The following KANK1 variants were observed in gnomAD, a reference collection of about 807,000 sequenced individuals.
KANK1 encodes KN motif and ankyrin repeat domain-containing protein 1.
Under a neutral mutation model 106.2 loss-of-function variants are expected in KANK1, and 109 were observed. That is an observed-to-expected ratio of 1.03 (90% confidence interval 0.88 to 1.20). The LOEUF (loss-of-function observed/expected upper bound fraction) is 1.20, where lower values mean the gene tolerates loss of function less well. Among genes scored for constraint, KANK1 ranks in the 50% most tolerant of loss-of-function variants. The probability of loss-of-function intolerance (pLI) is 0.00; values close to 1 mark genes in which losing one functional copy is unlikely to be tolerated. For synonymous variants in KANK1, 873 were observed against 652.2 expected (o/e 1.34, Z -5.16); for missense variants, 2,399 against 1,710.7 (o/e 1.40, Z -7.10).
chr9:651,735 T>A (rs1163411781), intron 1 of KANK1, among the ~76,000 whole-genome samples: 2 of 152,184 alleles, frequency 1.3e-5, no homozygotes, highest in Non-Finnish European at 2.9e-5. Context: ...CTAAGTGAGT[T>A]AGGGATTTTC....
At chr9:736,954 T>C (rs1186941573) in intron 7 of KANK1, among the ~76,000 whole-genome samples, 2 of 152,250 alleles carry the variant, frequency 1.3e-5, no homozygotes, top group African/African-American at 2.4e-5. Context: ...GGAAGGATTC[T>C]GTTTTCCTGC....
At chr9:533,529 T>A (rs1251030583) in intron 1 of KANK1, among the ~76,000 whole-genome samples, 1 of 152,228 alleles carries the variant, frequency 6.6e-6, no homozygotes, top group African/African-American at 2.4e-5. Context: ...TATTTTACCC[T>A]CCTCCAAAAC....
chr9:649,100 A>G (rs993718736), intron 1 of KANK1, among the ~76,000 whole-genome samples: 18 of 152,150 alleles, frequency 1.2e-4, no homozygotes, highest in Admixed American at 7.9e-4. Flanking sequence ...TATCTCGTGA[A>G]TAAGATAATA....
At chr9:642,565 TCAGCTA>T (rs1279849584) in intron 1 of KANK1, among the ~76,000 whole-genome samples, 1 of 150,920 alleles carries the variant, frequency 6.6e-6, no homozygotes, top group East Asian at 1.9e-4. Flanking sequence ...TTGGACACAC[TCAGCTA>T]CTAGAACAGA....
chr9:643,939 T>C (rs1487213903), intron 1 of KANK1, among the ~76,000 whole-genome samples: 2 of 150,900 alleles, frequency 1.3e-5, no homozygotes, highest in East Asian at 3.9e-4. Flanking sequence ...CTGACTTCAG[T>C]TGAGGCACCC....
At chr9:546,673 C>A (rs1262113345) in intron 1 of KANK1, among the ~76,000 whole-genome samples, 1 of 151,888 alleles carries the variant, frequency 6.6e-6, no homozygotes, top group East Asian at 1.9e-4. Context: ...ACCCCCACTC[C>A]CCCAAGCAGT....
At chr9:606,180 CA>C (rs1829090002) in intron 1 of KANK1, among the ~76,000 whole-genome samples, 1 of 144,218 alleles carries the variant, frequency 6.9e-6, no homozygotes, top group Non-Finnish European at 1.5e-5. Context: ...CACACACACA[CA>C]CCACTCACAC....
At chr9:591,730 C>T (rs774958357) in intron 1 of KANK1, among the ~76,000 whole-genome samples, 1 of 151,810 alleles carries the variant, frequency 6.6e-6, no homozygotes. Flanking sequence ...GATCTTGGCT[C>T]ACTCTGCAAC....
chr9:482,200 C>T (rs1049368556), intron 3 of KANK1, among the ~76,000 whole-genome samples: 2 of 152,208 alleles, frequency 1.3e-5, no homozygotes, highest in African/African-American at 2.4e-5. Flanking sequence ...GACTTGTCAA[C>T]ACAGTCATTG....
chr9:591,015 CA>C (rs955474708), intron 1 of KANK1, among the ~76,000 whole-genome samples: 1 of 151,604 alleles, frequency 6.6e-6, no homozygotes, highest in African/African-American at 2.4e-5. Flanking sequence ...AACAAACAAA[CA>C]AAAAAACCTT....
intron 1 of KANK1, among the ~76,000 whole-genome samples, chr9:630,064 A>G (rs1024358233): frequency 2.6e-5 from 4 of 151,974 alleles, no homozygotes; most frequent in Admixed American, 6.5e-5. Flanking sequence ...CCTGGCCAAC[A>G]TGGCAAAACG....
intron 1 of KANK1, among the ~76,000 whole-genome samples, chr9:616,442 T>C (rs1017343012): frequency 1.3e-5 from 2 of 152,202 alleles, no homozygotes; most frequent in African/African-American, 4.8e-5. Flanking sequence ...AACCTCTATT[T>C]TGTCACTTCT....
At chr9:541,746 A>G (rs887739528) in intron 1 of KANK1, among the ~76,000 whole-genome samples, 3 of 152,242 alleles carry the variant, frequency 2.0e-5, no homozygotes, top group Non-Finnish European at 4.4e-5. Flanking sequence ...TATATAAAAT[A>G]TACAAGGAAC....
chr9:529,500 C>T (rs1161850109), intron 1 of KANK1, among the ~76,000 whole-genome samples: 1 of 16,322 alleles, frequency 6.1e-5, no homozygotes, highest in East Asian at 2.0e-3. Context: ...CGCCCGGCCT[C>T]ATACATATTT....
In KANK1 at chr9:661,322, T is replaced by C. The variant is rs906714983; in HGVS notation, c.-83-15568T>C. ...CCAGTGTGTGATGTTCACCGCCCTG[T>C]GTCCAAGTGTGCTCATTGTTCAGTT... On this transcript the variant is annotated intron_variant, in intron 1 of 11. Coordinates refer to ENST00000382297, the MANE Select transcript of KANK1 (RefSeq NM_015158.5). Among the ~76,000 whole-genome samples the C allele has an allele frequency of 2.0e-5, 3 of 150,530 alleles. No homozygotes were observed. In the Admixed American group the frequency reaches 2.0e-4, roughly 10 times the overall value.
chr9:677,132 T>G, intron 2 of KANK1, 123 bp downstream of exon 2: 1 of 853,962 alleles, frequency 1.2e-6, no homozygotes, highest in South Asian at 1.8e-5. Context: ...TCAAAGCAAT[T>G]TTCTGTCCAT....
intron 1 of KANK1, among the ~76,000 whole-genome samples, chr9:642,197 T>C (rs1181073424): frequency 7.0e-6 from 1 of 143,346 alleles, no homozygotes; most frequent in Non-Finnish European, 1.5e-5. Flanking sequence ...TCTTTCCTCA[T>C]TGTGCTTCCT....
chr9:735,109 CA>C, intron 7 of KANK1, among the ~76,000 whole-genome samples: 1 of 152,290 alleles, frequency 6.6e-6, no homozygotes, highest in South Asian at 2.1e-4. Context: ...AGACAGAAAG[CA>C]GGGCTAATTG....
intron 2 of KANK1, among the ~76,000 whole-genome samples, chr9:686,294 C>T (rs1003339495): frequency 4.6e-5 from 7 of 152,156 alleles, no homozygotes; most frequent in Admixed American, 1.3e-4. Flanking sequence ...AACTCAGGGA[C>T]GCACCACGAA....
Sources: allele counts gnomAD v4.1 joint callset (sites outside exome capture counted in the v4.1 genomes callset), GRCh38; gene constraint gnomAD v4.1.1; transcripts MANE v1.5; gene names NCBI Gene and HGNC (gene_info 2026-07-23, HGNC 2026-07-21).